Variants in SUMF1 observed in about 807,000 individuals in gnomAD.
SUMF1 encodes formylglycine-generating enzyme.
In SUMF1, 48 loss-of-function variants were observed where a neutral mutation model predicts 47.6. The observed-to-expected ratio is 1.01, with a 90% CI of 0.80 to 1.28. The LOEUF is 1.28. Ranked by LOEUF, SUMF1 falls within the 50% of genes most tolerant of loss-of-function variation. SUMF1 has a pLI of 0.00. For synonymous variants in SUMF1, 230 were observed against 192.1 expected (o/e 1.20, Z -1.63); for missense variants, 571 against 485.4 (o/e 1.18, Z -1.66).
intron 8 of SUMF1, among the ~76,000 whole-genome samples, chr3:4,280,278 C>G (rs1298889409): frequency 6.6e-6 from 1 of 151,784 alleles, no homozygotes; most frequent in African/African-American, 2.4e-5. Flanking sequence ...CAAATGTAAC[C>G]AAAGATGTAA....
At chr3:4,370,058 A>G (rs891032799) in intron 8 of SUMF1, among the ~76,000 whole-genome samples, 2 of 152,190 alleles carry the variant, frequency 1.3e-5, no homozygotes. Context: ...TACATTCAAG[A>G]TGGTTTCCAG....
intron 9 of SUMF1, among the ~76,000 whole-genome samples, chr3:4,055,443 A>G (rs1695174914): frequency 6.6e-6 from 1 of 152,132 alleles, no homozygotes; most frequent in South Asian, 2.1e-4. Context: ...TTAGCAGCTT[A>G]AACCACACAA....
intron 8 of SUMF1, among the ~76,000 whole-genome samples, chr3:4,279,354 T>C (rs1359229896): frequency 6.6e-6 from 1 of 152,130 alleles, no homozygotes; most frequent in African/African-American, 2.4e-5. Flanking sequence ...TAAGAAGTCA[T>C]ATATGGGTTT....
intron 8 of SUMF1, among the ~76,000 whole-genome samples, chr3:4,327,748 G>A (rs982344362): frequency 7.9e-5 from 12 of 152,002 alleles, no homozygotes; most frequent in African/African-American, 2.9e-4. Context: ...TGGACTTAAG[G>A]GGACCTAATA....
At chr3:4,268,652 C>T (rs1559634647) in intron 8 of SUMF1, among the ~76,000 whole-genome samples, 3 of 151,196 alleles carry the variant, frequency 2.0e-5, no homozygotes. Context: ...AATATTACTT[C>T]CCCTGTTTAC....
At chr3:4,402,344 C>T (rs1332684808) in intron 7 of SUMF1, among the ~76,000 whole-genome samples, 1 of 152,178 alleles carries the variant, frequency 6.6e-6, no homozygotes. Flanking sequence ...CTTCACAGCT[C>T]CAACTGGTAG....
intron 8 of SUMF1, among the ~76,000 whole-genome samples, chr3:4,142,073 A>G (rs1409271063): frequency 6.6e-6 from 1 of 152,196 alleles, no homozygotes; most frequent in African/African-American, 2.4e-5. Flanking sequence ...AAGTATCTCC[A>G]GGGTATTCTA....
intron 8 of SUMF1, among the ~76,000 whole-genome samples, chr3:4,227,461 C>A (rs1196229758): frequency 6.6e-6 from 1 of 152,068 alleles, no homozygotes; most frequent in Non-Finnish European, 1.5e-5. Flanking sequence ...GGAGATCCAT[C>A]GGCTTTCATC....
chr3:4,106,352 A>C (rs1693158093), intron 8 of SUMF1, among the ~76,000 whole-genome samples: 2 of 152,086 alleles, frequency 1.3e-5, no homozygotes, highest in African/African-American at 2.4e-5. Flanking sequence ...TAGGGGATGA[A>C]AATAGCACTG....
chr3:4,269,918 G>A (rs1465338332), intron 8 of SUMF1, among the ~76,000 whole-genome samples: 2 of 152,164 alleles, frequency 1.3e-5, no homozygotes, highest in Admixed American at 6.5e-5. Flanking sequence ...CAGTCTACAA[G>A]AGGGAACTTT....
chr3:4,240,537 C>A (rs961405080), intron 8 of SUMF1, among the ~76,000 whole-genome samples: 1 of 151,538 alleles, frequency 6.6e-6, no homozygotes. Flanking sequence ...TTAAAATTAC[C>A]CATAAACTTG....
At chr3:4,328,035 G>A (rs1698979617) in intron 8 of SUMF1, among the ~76,000 whole-genome samples, 1 of 151,906 alleles carries the variant, frequency 6.6e-6, no homozygotes, top group Non-Finnish European at 1.5e-5. Context: ...GTGCTACATA[G>A]TGAGGCCCTC....
At chr3:4,220,552 ATC>A (rs1215037433) in intron 8 of SUMF1, among the ~76,000 whole-genome samples, 2 of 150,470 alleles carry the variant, frequency 1.3e-5, no homozygotes, top group East Asian at 3.9e-4. Flanking sequence ...CTCTCTTTCC[ATC>A]TCTCTCTCCC....
intron 8 of SUMF1, among the ~76,000 whole-genome samples, chr3:4,256,011 G>A (rs1057185177): frequency 1.3e-5 from 2 of 150,262 alleles, no homozygotes; most frequent in Non-Finnish European, 3.0e-5. Context: ...GCTCCTGAAT[G>A]ACTACTGGGT....
rs368041524 is a variant in SUMF1 at position 4,392,731 on chromosome 3, TTTTTGTTCTG to T, written c.955-16352_955-16343del. 2.6e-3 allele frequency among the ~76,000 whole-genome samples: 383 copies of T among 149,560 alleles called. 2 individuals are homozygous for T. Among genetic ancestry groups the T allele is most frequent in the African/African-American group, 8.7e-3 (358 of 40,988 alleles). On this transcript the variant is annotated intron_variant, in intron 7 of 8. Coordinates refer to ENST00000272902, the MANE Select transcript of SUMF1 (RefSeq NM_182760.4). ...CTTGATTACCCTATTTTCCTGAAGG[TTTTTGTTCTG>T]TTTTGTTTTGTTTTGTTTTGGTAAC...
chr3:4,206,046 A>G (rs878987077), intron 8 of SUMF1, among the ~76,000 whole-genome samples: 2 of 152,164 alleles, frequency 1.3e-5, no homozygotes, highest in South Asian at 4.1e-4. Flanking sequence ...GGGTGGGTCT[A>G]GAACTGTCAT....
rs145230438 is a variant in SUMF1, at chr3:4,393,878, GT to G, written c.954+16986del. ...TTGTTCAGTTTTGTACTTGTTTTCT[GT>G]ATTAGTGAATCACTTGACCTCTTAC... On this transcript the variant is annotated intron_variant, in intron 7 of 8. Coordinates refer to ENST00000272902, the MANE Select transcript of SUMF1 (RefSeq NM_182760.4). 8.4e-4 allele frequency among the ~76,000 whole-genome samples: 127 copies of G among 151,908 alleles called. No individual in the cohort carries two copies. The South Asian group carries it at 9.6e-3, about 11-fold the overall frequency.
At chr3:4,318,288 G>A (rs1489288865) in intron 8 of SUMF1, among the ~76,000 whole-genome samples, 5 of 152,020 alleles carry the variant, frequency 3.3e-5, no homozygotes, top group Admixed American at 2.0e-4. Context: ...AGCAAGATTG[G>A]TTTAACATAC....
intron 8 of SUMF1, among the ~76,000 whole-genome samples, chr3:4,212,713 A>T (rs1209868111): frequency 2.6e-5 from 4 of 152,208 alleles, no homozygotes; most frequent in Admixed American, 6.5e-5. Context: ...ACAGAAGAAC[A>T]TAAATGATCT....
Sources: allele counts gnomAD v4.1 joint callset (sites outside exome capture counted in the v4.1 genomes callset), GRCh38; gene constraint gnomAD v4.1.1; transcripts MANE v1.5; gene names NCBI Gene and HGNC (gene_info 2026-07-23, HGNC 2026-07-21).